CAMK2D: variants seen among roughly 807,000 people sequenced by gnomAD.
The protein encoded by CAMK2D is calcium/calmodulin dependent protein kinase II delta.
In CAMK2D, 37 loss-of-function variants were observed where a neutral mutation model predicts 84.0. The ratio of observed to expected loss-of-function variants is 0.44; its 90% CI spans 0.34 to 0.58. The LOEUF (loss-of-function observed/expected upper bound fraction) is 0.58. Ranked by LOEUF, CAMK2D falls within the 20% of genes least tolerant of loss-of-function variation. The probability of loss-of-function intolerance (pLI) is 0.02; values close to 1 mark genes in which losing one functional copy is unlikely to be tolerated. For synonymous variants in CAMK2D, 202 were observed against 212.5 expected (o/e 0.95, Z 0.43); for missense variants, 448 against 652.5 (o/e 0.69, Z 3.41).
At chr4:113,511,104 C>T (rs748765509) in intron 12 of CAMK2D, among the ~76,000 whole-genome samples, 1 of 151,974 alleles carries the variant, frequency 6.6e-6, no homozygotes, top group African/African-American at 2.4e-5. Context: ...TTCACCTTAC[C>T]TCACAAGAAA....
intron 1 of CAMK2D, among the ~76,000 whole-genome samples, chr4:113,760,267 A>G (rs2099637992): frequency 6.6e-6 from 1 of 152,116 alleles, no homozygotes. Context: ...GTTTTACACA[A>G]TGCTAGGCTA....
At chr4:113,671,513 C>T (rs1405098931) in intron 2 of CAMK2D, among the ~76,000 whole-genome samples, 1 of 152,206 alleles carries the variant, frequency 6.6e-6, no homozygotes, top group African/African-American at 2.4e-5. Flanking sequence ...TTTCTTTCCA[C>T]TCTCCTTTTT....
At chr4:113,672,035 T>G (rs946395379) in intron 2 of CAMK2D, among the ~76,000 whole-genome samples, 4 of 152,188 alleles carry the variant, frequency 2.6e-5, no homozygotes, top group South Asian at 2.1e-4. Context: ...GCATGTTCCT[T>G]GTTATGCTTA....
At chr4:113,669,956 G>A (rs1469113025) in intron 2 of CAMK2D, among the ~76,000 whole-genome samples, 1 of 152,146 alleles carries the variant, frequency 6.6e-6, no homozygotes, top group Non-Finnish European at 1.5e-5. Flanking sequence ...AGTTCACACA[G>A]AACAGATGAC....
intron 2 of CAMK2D, chr4:113,677,542 G>A (rs148979318): frequency 2.7e-5 from 26 of 978,682 alleles, no homozygotes; most frequent in African/African-American, 2.3e-4. Context: ...TCTTACTTCC[G>A]TCAGACATGA....
rs1352971750 is a variant in CAMK2D, at chr4:113,563,821, G to A, written c.276-11725C>T. Among the ~76,000 whole-genome samples the A allele has an allele frequency of 6.6e-5, 10 of 152,204 alleles. No individual in the cohort carries two copies. The South Asian group carries it at 1.5e-3, about 22-fold the overall frequency. On this transcript the variant is annotated intron_variant, in intron 4 of 20. Transcript: ENST00000511664. ...AAGAACAGTACAAATAAACAACTTC[G>A]GCACAGTATCCTATCCCACCCAAAT... is the stretch of plus-strand genomic sequence containing the variant.
chr4:113,521,924 G>T (rs1051054499), intron 8 of CAMK2D, among the ~76,000 whole-genome samples: 1 of 152,096 alleles, frequency 6.6e-6, no homozygotes, highest in African/African-American at 2.4e-5. Flanking sequence ...TGTTTCACAT[G>T]TTCCATGACA....
At chr4:113,478,925 T>G (rs531509902) in intron 16 of CAMK2D, among the ~76,000 whole-genome samples, 8 of 152,298 alleles carry the variant, frequency 5.3e-5, no homozygotes, top group African/African-American at 1.9e-4. Context: ...GGTATAAGTT[T>G]TTGTCTATTA....
chr4:113,695,114 GAGAAA>G (rs1277728691), intron 2 of CAMK2D, among the ~76,000 whole-genome samples: 1 of 152,128 alleles, frequency 6.6e-6, no homozygotes, highest in Non-Finnish European at 1.5e-5. Flanking sequence ...ATCACGAAGT[GAGAAA>G]AGAAAAGTAC....
At chr4:113,527,435 T>G (rs1372503110) in intron 8 of CAMK2D, among the ~76,000 whole-genome samples, 1 of 152,038 alleles carries the variant, frequency 6.6e-6, no homozygotes, top group Non-Finnish European at 1.5e-5. Flanking sequence ...GGTATGTGCA[T>G]TTAGACATAA....
chr4:113,549,226 T>A (rs1420846660), intron 5 of CAMK2D, among the ~76,000 whole-genome samples: 1 of 152,140 alleles, frequency 6.6e-6, no homozygotes, highest in Non-Finnish European at 1.5e-5. Flanking sequence ...GAGGGACACA[T>A]TTACCATTTC....
At chr4:113,634,648 A>G (rs1352615026) in intron 3 of CAMK2D, among the ~76,000 whole-genome samples, 3 of 152,210 alleles carry the variant, frequency 2.0e-5, no homozygotes, top group Non-Finnish European at 4.4e-5. Flanking sequence ...TATGACATTG[A>G]GGTAGAATTA....
chr4:113,576,144 T>C (rs939705552), intron 4 of CAMK2D, among the ~76,000 whole-genome samples: 1 of 152,086 alleles, frequency 6.6e-6, no homozygotes, highest in Admixed American at 6.6e-5. Context: ...CAAGCAATCC[T>C]CTCACCTCAG....
chr4:113,619,562 C>T (rs935578673), intron 3 of CAMK2D, among the ~76,000 whole-genome samples: 1 of 152,174 alleles, frequency 6.6e-6, no homozygotes, highest in East Asian at 1.9e-4. Flanking sequence ...ATCCTTGCTG[C>T]TTCTGGAGAA....
At chr4:113,652,856 T>C (rs1197355885) in intron 3 of CAMK2D, among the ~76,000 whole-genome samples, 1 of 152,142 alleles carries the variant, frequency 6.6e-6, no homozygotes, top group Non-Finnish European at 1.5e-5. Context: ...ACTCTAAAAA[T>C]GAAACTATCC....
intron 2 of CAMK2D, among the ~76,000 whole-genome samples, chr4:113,739,032 T>C (rs1261856304): frequency 6.6e-6 from 1 of 152,202 alleles, no homozygotes; most frequent in African/African-American, 2.4e-5. Context: ...CATTCCTTAC[T>C]GTTCATAGCA....
intron 2 of CAMK2D, among the ~76,000 whole-genome samples, chr4:113,742,097 A>G (rs1442427223): frequency 1.3e-5 from 2 of 152,102 alleles, no homozygotes; most frequent in Non-Finnish European, 1.5e-5. Flanking sequence ...CTCTTCACCA[A>G]CCTACCCCCT....
intron 3 of CAMK2D, among the ~76,000 whole-genome samples, chr4:113,631,713 T>C (rs565004102): frequency 6.6e-6 from 1 of 152,270 alleles, no homozygotes; most frequent in South Asian, 2.1e-4. Flanking sequence ...TTCAGGGAGA[T>C]CAATGAGCAC....
intron 16 of CAMK2D, among the ~76,000 whole-genome samples, chr4:113,476,722 C>A (rs1046507951): frequency 6.6e-6 from 1 of 152,166 alleles, no homozygotes; most frequent in African/African-American, 2.4e-5. Context: ...CTGGAGGTCA[C>A]AAGATATATA....
Sources: gnomAD v4.1 joint callset for allele counts (sites outside exome capture counted in the v4.1 genomes callset) on GRCh38, gnomAD v4.1.1 for gene constraint, MANE v1.5 for transcripts, NCBI Gene and HGNC (gene_info 2026-07-23, HGNC 2026-07-21) for gene names.